Variants in CCDC112 observed in about 807,000 individuals in gnomAD.
CCDC112 encodes coiled-coil domain containing 112.
Under a neutral mutation model 66.3 loss-of-function variants are expected in CCDC112, and 40 were observed. The observed-to-expected ratio is 0.60, with a 90% CI of 0.47 to 0.79. CCDC112 has a LOEUF of 0.79. Among genes scored for constraint, CCDC112 ranks in the 30% least tolerant of loss-of-function variants. CCDC112 has a pLI of 0.00. For synonymous variants in CCDC112, 214 were observed against 197.2 expected (o/e 1.09, Z -0.71); for missense variants, 659 against 603.8 (o/e 1.09, Z -0.96).
chr5:115,276,303 G>C (rs1232510999), intron 4 of CCDC112, among the ~76,000 whole-genome samples: 1 of 152,142 alleles, frequency 6.6e-6, no homozygotes. Flanking sequence ...GGAAATGAAA[G>C]CTCAGATATA....
chr5:115,275,325 G>C lies in CCDC112; in HGVS notation c.809C>G (p.Thr270Arg). 3.1e-6 allele frequency: 5 copies of C among 1,613,790 alleles called. No individual in the cohort carries two copies. Among genetic ancestry groups the C allele is most frequent in the Non-Finnish European group, 4.2e-6 (5 of 1,179,900 alleles). The change falls in exon 6 of 10, where the codon ACA becomes AGA. Residue 270 changes from threonine (T) to arginine (R), a missense_variant. Transcript: ENST00000379611. Reference protein sequence around the residue: ...KVRNKHKGKPTFMEEVLEHLP... With the variant: ...KVRNKHKGKPRFMEEVLEHLP... Reference sequence around the variant, plus strand: ...GTGTTCTAGAACTTCTTCCATAAATGTTGGCTTCCCTTTATGTTTGTTTCT... The same window carrying C: ...GTGTTCTAGAACTTCTTCCATAAATCTTGGCTTCCCTTTATGTTTGTTTCT...
At chr5:115,293,105 C>G (rs1213936092) in intron 1 of CCDC112, among the ~76,000 whole-genome samples, 1 of 152,140 alleles carries the variant, frequency 6.6e-6, no homozygotes, top group African/African-American at 2.4e-5. Context: ...AGATGCAAAT[C>G]CTGTATAATC....
At chr5:115,279,350 A>G (rs924036890) in intron 3 of CCDC112, among the ~76,000 whole-genome samples, 1 of 141,202 alleles carries the variant, frequency 7.1e-6, no homozygotes, top group African/African-American at 2.5e-5. Context: ...TTTTAATAGA[A>G]TTTGGTGGTG....
In CCDC112 at chr5:115,279,785, A is replaced by G. The variant is rs1352340758; in HGVS notation, c.240-17T>C. 1.6e-6 allele frequency: 2 copies of G among 1,235,202 alleles called. No individual in the cohort carries two copies. The highest frequency in any genetic ancestry group is 1.5e-5 in the African/African-American group (1 of 65,976). The allele number at this position is 1,235,202 out of a possible 1,614,324, so 76.5% of individuals were successfully genotyped here. A position where few individuals can be genotyped will look rare whatever the true frequency, so the allele number is the denominator to read the frequency against. On this transcript the variant is annotated splice_polypyrimidine_tract_variant and intron_variant, in intron 2 of 9. Transcript: ENST00000379611. ...TTAATTACTCTTTAGGAAAAGAAACAAATAGTATAAATATGATCTAAATAT... is the reference window on the plus strand; with the variant it reads ...TTAATTACTCTTTAGGAAAAGAAACGAATAGTATAAATATGATCTAAATAT...
At chr5:115,283,535 A>G (rs1435694738) in intron 2 of CCDC112, among the ~76,000 whole-genome samples, 1 of 152,162 alleles carries the variant, frequency 6.6e-6, no homozygotes, top group Non-Finnish European at 1.5e-5. Context: ...TGATTGTGGT[A>G]ATCATTCTGC....
Position 115,296,595 on chromosome 5 carries a change from C to T in CCDC112, c.-52G>A. ...CGGCGGCCACCGGTGCCTGGGGATT[C>T]GTGGCAGGCGCACCCTGGCCTCTGC... On this transcript the variant is annotated 5_prime_UTR_variant, in exon 1 of 10. Coordinates refer to ENST00000379611, the MANE Select transcript of CCDC112 (RefSeq NM_001040440.3). 5.7e-6 allele frequency: 8 copies of T among 1,410,698 alleles called. No homozygotes were observed. Among genetic ancestry groups the T allele is most frequent in the Non-Finnish European group, 6.4e-6 (7 of 1,086,430 alleles). 87.4% of individuals were successfully genotyped at this position (1,410,698 alleles called of 1,614,324 possible). A position where few individuals can be genotyped will look rare whatever the true frequency, so the allele number is the denominator to read the frequency against.
intron 1 of CCDC112, among the ~76,000 whole-genome samples, chr5:115,292,401 C>A (rs11745083): frequency 0.35 from 52,537 of 151,774 alleles, 10,128 homozygotes; most frequent in Non-Finnish European, 0.44. Flanking sequence ...CCCACACTTT[C>A]TCTTAGTTCT....
At chr5:115,281,412 G>C (rs1749451888) in intron 2 of CCDC112, among the ~76,000 whole-genome samples, 1 of 152,204 alleles carries the variant, frequency 6.6e-6, no homozygotes, top group African/African-American at 2.4e-5. Flanking sequence ...TCCAGAGGCT[G>C]AGGGGATCAT....
chr5:115,280,939 G>C (rs894424469), intron 2 of CCDC112, among the ~76,000 whole-genome samples: 1 of 151,936 alleles, frequency 6.6e-6, no homozygotes, highest in African/African-American at 2.4e-5. Flanking sequence ...AGCATCACTG[G>C]CCATTTACTT....
intron 1 of CCDC112, among the ~76,000 whole-genome samples, chr5:115,293,016 C>T (rs1265379804): frequency 1.3e-5 from 2 of 152,238 alleles, no homozygotes; most frequent in African/African-American, 2.4e-5. Context: ...AAACAACACA[C>T]ATTTATTGAC....
chr5:115,284,870 A>C lies in CCDC112; in HGVS notation c.156T>G (p.Pro52=). 1 of 1,612,838 alleles carries C rather than the reference A, an allele frequency of 6.2e-7. No individual in the cohort carries two copies. Among genetic ancestry groups the C allele is most frequent in the South Asian group, 1.1e-5 (1 of 90,976 alleles). Residue 52 remains proline (P), a synonymous_variant, in exon 2 of 10, where the codon CCT becomes CCG. Transcript: ENST00000379611. ...TCTGCTTCCAGTTCTGAAGATGAAAAGGACGAATTCCACCTGAAGTACTAA... is the reference window on the plus strand; with the variant it reads ...TCTGCTTCCAGTTCTGAAGATGAAACGGACGAATTCCACCTGAAGTACTAA... The part of the protein sequence containing the change: ...GCFSTSGGIR[P]FHLQNWKQKV...
At chr5:115,286,557 C>G (rs1212983258) in intron 1 of CCDC112, among the ~76,000 whole-genome samples, 1 of 152,066 alleles carries the variant, frequency 6.6e-6, no homozygotes, top group Non-Finnish European at 1.5e-5. Context: ...CATTATATAC[C>G]TAGCAGCAGA....
intron 6 of CCDC112, among the ~76,000 whole-genome samples, chr5:115,272,844 G>A (rs935883655): frequency 6.6e-6 from 1 of 152,084 alleles, no homozygotes; most frequent in African/African-American, 2.4e-5. Flanking sequence ...ATGCCACCTA[G>A]TACAGTGCTA....
Position 115,284,990 on chromosome 5 carries a change from CAAT to C in CCDC112, c.118-85_118-83del. On this transcript the variant is annotated intron_variant, in intron 1 of 9. Transcript: ENST00000379611. ...GAATTTTTTCAGAGAGATAAAATGT[CAAT>C]AGTTGAGTTTCTTGAAGGATAATTT... is the stretch of plus-strand genomic sequence containing the variant. 12 of 1,315,678 alleles carry C rather than the reference CAAT, an allele frequency of 9.1e-6. No homozygotes were observed. In the South Asian group the frequency reaches 1.6e-4, roughly 17 times the overall value. 81.5% of individuals were successfully genotyped at this position (1,315,678 alleles called of 1,614,324 possible). A position where few individuals can be genotyped will look rare whatever the true frequency, so the allele number is the denominator to read the frequency against.
chr5:115,295,232 T>A (rs1048443050), intron 1 of CCDC112, among the ~76,000 whole-genome samples: 4 of 152,070 alleles, frequency 2.6e-5, no homozygotes, highest in Admixed American at 2.6e-4. Flanking sequence ...AAAGTGTGCA[T>A]CAATAACAAC....
At chr5:115,295,207 A>ATC (rs551576818) in intron 1 of CCDC112, among the ~76,000 whole-genome samples, 15 of 152,320 alleles carry the variant, frequency 9.8e-5, no homozygotes, top group African/African-American at 3.6e-4. Flanking sequence ...AACCCCTGAG[A>ATC]AGGCAAACAT....
At chr5:115,288,840 T>C (rs561355485) in intron 1 of CCDC112, among the ~76,000 whole-genome samples, 1 of 152,230 alleles carries the variant, frequency 6.6e-6, no homozygotes, top group East Asian at 1.9e-4. Flanking sequence ...AAAAATAGGA[T>C]GAGGTGGGAT....
chr5:115,274,544 T>C (rs1280856459), intron 6 of CCDC112, among the ~76,000 whole-genome samples: 2 of 152,138 alleles, frequency 1.3e-5, no homozygotes, highest in Non-Finnish European at 2.9e-5. Context: ...TTCAAAACAA[T>C]GTGGCCTTTG....
chr5:115,296,537 C>T lies in CCDC112; in HGVS notation c.7G>A (p.Ala3Thr). The change falls in exon 1 of 10, where the codon GCA (alanine) becomes ACA (threonine). Residue 3 changes from alanine (A) to threonine (T), a missense_variant. Coordinates refer to ENST00000379611, the MANE Select transcript of CCDC112 (RefSeq NM_001040440.3). MAALTTVVVAAAA... is the reference protein window; with the variant it reads MATLTTVVVAAAA... ...GCCGCTACCACAACCGTCGTCAGTG[C>T]GGCCATGTTTACCCGCCGAGCTACT... 1 of 1,509,216 alleles carries T rather than the reference C, an allele frequency of 6.6e-7. No homozygotes were observed. Among genetic ancestry groups the T allele is most frequent in the South Asian group, 1.2e-5 (1 of 80,170 alleles). The allele number at this position is 1,509,216 out of a possible 1,614,324, so 93.5% of individuals were successfully genotyped here.
Sources: gnomAD v4.1 joint callset for allele counts (sites outside exome capture counted in the v4.1 genomes callset) on GRCh38, gnomAD v4.1.1 for gene constraint, MANE v1.5 for transcripts, NCBI Gene and HGNC (gene_info 2026-07-23, HGNC 2026-07-21) for gene names.